SHC4: variants seen among roughly 807,000 people sequenced by gnomAD.
SHC4 encodes SHC-transforming protein 4.
SHC4 carries 41 observed loss-of-function variants against 69.4 expected under a neutral mutation model. The observed-to-expected ratio is 0.59, with a 90% CI of 0.46 to 0.77. The LOEUF (loss-of-function observed/expected upper bound fraction) is 0.77, where lower values mean the gene tolerates loss of function less well. Ranked by LOEUF, SHC4 falls within the 30% of genes least tolerant of loss-of-function variation. The pLI, the probability that SHC4 is intolerant of heterozygous loss-of-function variation, is 0.00. For synonymous variants in SHC4, 318 were observed against 299.3 expected (o/e 1.06, Z -0.64); for missense variants, 777 against 783.8 (o/e 0.99, Z 0.10).
At chr15:48,959,071 T>A (rs1003788631) in intron 1 of SHC4, among the ~76,000 whole-genome samples, 7 of 152,196 alleles carry the variant, frequency 4.6e-5, no homozygotes, top group African/African-American at 1.7e-4. Context: ...AACCATTTTT[T>A]AAAAAGAATA....
chr15:48,962,578 C>T lies in SHC4; in HGVS notation c.438G>A (p.Pro146=), dbSNP rs77960656. The part of the protein sequence containing the change: ...SLSRSGTAPP[P]QQDLVGHRAT... ...CCCTGTGTCCCACCAGGTCCTGCTG[C>T]GGTGGAGGTGCAGTCCCGGACCTAC... is the stretch of plus-strand genomic sequence containing the variant. Residue 146 remains proline, a synonymous_variant, in exon 1 of 12, where the codon CCG becomes CCA. Transcript: ENST00000332408. 1.6e-4 allele frequency: 253 copies of T among 1,612,158 alleles called. No homozygotes were observed. In the East Asian group the frequency reaches 5.3e-3, roughly 34 times the overall value.
chr15:48,878,569 C>G, intron 4 of SHC4: 2 of 1,614,056 alleles, frequency 1.2e-6, no homozygotes, highest in Non-Finnish European at 1.7e-6. Context: ...TTGAAGAAGC[C>G]GACAAGATGT....
chr15:48,862,200 T>C (rs1209383272), intron 6 of SHC4, among the ~76,000 whole-genome samples: 3 of 151,818 alleles, frequency 2.0e-5, no homozygotes, highest in Non-Finnish European at 1.5e-5. Flanking sequence ...TTTGGGGTTT[T>C]TTTTTTTTTA....
intron 11 of SHC4, among the ~76,000 whole-genome samples, chr15:48,828,134 TAC>T (rs879859847): frequency 0.016 from 2,282 of 146,670 alleles, 20 homozygotes; most frequent in Middle Eastern, 0.05. Context: ...TATATATATA[TAC>T]ATCTGTTATG....
intron 1 of SHC4, among the ~76,000 whole-genome samples, chr15:48,961,407 C>T (rs908232538): frequency 1.3e-5 from 2 of 152,156 alleles, no homozygotes; most frequent in African/African-American, 4.8e-5. Flanking sequence ...CAAGCCACCC[C>T]CTCCCTCAGT....
intron 1 of SHC4, among the ~76,000 whole-genome samples, chr15:48,943,825 T>C (rs1901221473): frequency 6.6e-6 from 1 of 152,134 alleles, no homozygotes; most frequent in South Asian, 2.1e-4. Flanking sequence ...TAGTTTTGAT[T>C]TGCATTTCCC....
intron 1 of SHC4, among the ~76,000 whole-genome samples, chr15:48,937,332 G>C (rs1015051128): frequency 2.0e-5 from 3 of 151,960 alleles, no homozygotes; most frequent in African/African-American, 7.3e-5. Context: ...CAAAAACCTG[G>C]GATTACAGGT....
chr15:48,894,037 A>G (rs1364496084), intron 2 of SHC4, among the ~76,000 whole-genome samples: 3 of 152,232 alleles, frequency 2.0e-5, no homozygotes, highest in Non-Finnish European at 4.4e-5. Context: ...GTATATAAGT[A>G]AAAGAAACAC....
intron 2 of SHC4, among the ~76,000 whole-genome samples, chr15:48,904,695 T>A (rs987634698): frequency 6.6e-6 from 1 of 152,134 alleles, no homozygotes; most frequent in Non-Finnish European, 1.5e-5. Context: ...CTGGGCAATA[T>A]AGCAAGACCT....
rs1407235791 is a variant in SHC4, at chr15:48,824,822, T to C, written c.*1149A>G. The C allele has an allele frequency of 6.6e-6, 1 of 152,622 alleles. No individual in the cohort carries two copies. The highest frequency in any genetic ancestry group is 1.5e-5 in the Non-Finnish European group (1 of 68,030). 9.5% of individuals were successfully genotyped at this position (152,622 alleles called of 1,614,324 possible). On this transcript the variant is annotated 3_prime_UTR_variant, in exon 12 of 12. Transcript: ENST00000332408. ...TTCAGCAACTTGCTGAAGGTCACAC[T>C]GGTAAGACTCAGCGTAATGCTTTTC...
intron 1 of SHC4, among the ~76,000 whole-genome samples, chr15:48,954,377 A>G (rs1031752985): frequency 2.0e-5 from 3 of 152,206 alleles, no homozygotes; most frequent in Non-Finnish European, 4.4e-5. Context: ...AGTTTGCCAA[A>G]AATGCAGGTT....
intron 9 of SHC4, among the ~76,000 whole-genome samples, chr15:48,848,547 C>G (rs758174309): frequency 6.6e-6 from 1 of 152,142 alleles, no homozygotes; most frequent in Non-Finnish European, 1.5e-5. Flanking sequence ...TAAGAGTTAA[C>G]CATCATGGCT....
intron 2 of SHC4, among the ~76,000 whole-genome samples, chr15:48,909,828 T>A (rs1209867228): frequency 6.6e-6 from 1 of 152,222 alleles, no homozygotes; most frequent in Non-Finnish European, 1.5e-5. Flanking sequence ...GATTTTTATT[T>A]TTAATTTTAT....
chr15:48,963,022 G>A lies in SHC4; in HGVS notation c.-7C>T. ...CCTGGCCGCGTTCTCGCATAGCCTT[G>A]GCAGTGCTGAAACAGGATACTGTTG... is the stretch of plus-strand genomic sequence containing the variant. On this transcript the variant is annotated 5_prime_UTR_variant, in exon 1 of 12. Transcript: ENST00000332408. The A allele has an allele frequency of 6.3e-7, 1 of 1,598,094 alleles. No homozygotes were observed.
intron 10 of SHC4, 87 bp downstream of exon 10, chr15:48,843,322 C>A: frequency 7.2e-7 from 1 of 1,382,052 alleles, no homozygotes; most frequent in Non-Finnish European, 1.0e-6. Context: ...TTCTGGCCTC[C>A]AGAACTGTGA....
intron 3 of SHC4, among the ~76,000 whole-genome samples, chr15:48,890,018 G>A (rs1011774810): frequency 3.3e-5 from 5 of 152,208 alleles, no homozygotes; most frequent in Admixed American, 2.6e-4. Context: ...CATTAACACA[G>A]AAAGTGTAAT....
intron 2 of SHC4, among the ~76,000 whole-genome samples, chr15:48,911,853 G>C (rs1381309412): frequency 6.6e-6 from 1 of 152,128 alleles, no homozygotes; most frequent in Non-Finnish European, 1.5e-5. Flanking sequence ...CTTCATGTAT[G>C]ATGCTTAGTT....
intron 2 of SHC4, among the ~76,000 whole-genome samples, chr15:48,916,364 A>G (rs902618267): frequency 6.6e-6 from 1 of 151,814 alleles, no homozygotes; most frequent in African/African-American, 2.4e-5. Flanking sequence ...ACTGCCTTTA[A>G]TGTCCTGTTG....
chr15:48,956,059 A>C (rs984985631), intron 1 of SHC4, among the ~76,000 whole-genome samples: 1 of 152,214 alleles, frequency 6.6e-6, no homozygotes, highest in African/African-American at 2.4e-5. Flanking sequence ...AGAGAGAAGA[A>C]CAGGGGAACG....
Sources: gnomAD v4.1 joint callset for allele counts (sites outside exome capture counted in the v4.1 genomes callset) on GRCh38, gnomAD v4.1.1 for gene constraint, MANE v1.5 for transcripts, NCBI Gene and HGNC (gene_info 2026-07-23, HGNC 2026-07-21) for gene names.